ENTREP2: variants seen among roughly 807,000 people sequenced by gnomAD.
ENTREP2 encodes endosomal transmembrane epsin interactor 2, also known as protein ENTREP2.
At chr15:29,654,352 A>C in the ENTREP2 span, among the ~76,000 whole-genome samples, 5 of 152,238 alleles carry the variant, frequency 3.3e-5, no homozygotes, top group Non-Finnish European at 7.3e-5. Flanking sequence ...TACTACATTG[A>C]GGAAGGCAAA....
At chr15:29,193,940 A>T in the ENTREP2 span, among the ~76,000 whole-genome samples, 1 of 152,210 alleles carries the variant, frequency 6.6e-6, no homozygotes, top group African/African-American at 2.4e-5. Flanking sequence ...AGATCTATAT[A>T]CTGAAATTTA....
chr15:29,444,187 AAAGAAAGAAAGAAAGAAAGAAAG>A, the ENTREP2 span, among the ~76,000 whole-genome samples: 1 of 92,460 alleles, frequency 1.1e-5, no homozygotes, highest in African/African-American at 4.3e-5. Context: ...AGAAAGAAAG[AAAGAAAGAAAGAAAGAAAGAAAG>A]AAAGAAAGAA....
the ENTREP2 span, among the ~76,000 whole-genome samples, chr15:29,367,837 G>A: frequency 8.6e-5 from 13 of 151,986 alleles, no homozygotes; most frequent in Admixed American, 8.5e-4. Flanking sequence ...ACAAAGAATA[G>A]GCTTTACAGA....
At chr15:29,238,672 A>G in the ENTREP2 span, among the ~76,000 whole-genome samples, 1 of 152,010 alleles carries the variant, frequency 6.6e-6, no homozygotes, top group South Asian at 2.1e-4. Context: ...TCACAGTTCC[A>G]CAGGCTATAC....
the ENTREP2 span, among the ~76,000 whole-genome samples, chr15:29,576,945 C>A: frequency 3.9e-5 from 6 of 151,978 alleles, no homozygotes; most frequent in Admixed American, 6.5e-5. Context: ...GTAGCTGGGA[C>A]TACAGGCGCC....
the ENTREP2 span, among the ~76,000 whole-genome samples, chr15:29,592,469 G>C: frequency 2.6e-5 from 4 of 152,202 alleles, no homozygotes; most frequent in Admixed American, 2.6e-4. Flanking sequence ...GGTGGATGAT[G>C]AGAGAGTGAG....
At chr15:29,487,947 C>T in the ENTREP2 span, among the ~76,000 whole-genome samples, 1 of 152,248 alleles carries the variant, frequency 6.6e-6, no homozygotes, top group African/African-American at 2.4e-5. Context: ...CCCACCTTAA[C>T]CTCCTAAACT....
chr15:29,173,147 T>C, the ENTREP2 span, among the ~76,000 whole-genome samples: 1 of 152,150 alleles, frequency 6.6e-6, no homozygotes, highest in African/African-American at 2.4e-5. Context: ...AGGGGCTCAC[T>C]GAACCAGCCT....
At chr15:29,242,664 C>A in the ENTREP2 span, among the ~76,000 whole-genome samples, 7 of 152,196 alleles carry the variant, frequency 4.6e-5, no homozygotes, top group African/African-American at 1.7e-4. Flanking sequence ...TGGTGCCAGG[C>A]CCTGGATGTG....
At chr15:29,562,426 A>C in the ENTREP2 span, among the ~76,000 whole-genome samples, 1 of 152,222 alleles carries the variant, frequency 6.6e-6, no homozygotes, top group Non-Finnish European at 1.5e-5. Context: ...CTTTCTCCCA[A>C]AACACTGAGA....
the ENTREP2 span, among the ~76,000 whole-genome samples, chr15:29,487,405 G>A: frequency 6.6e-6 from 1 of 152,172 alleles, no homozygotes; most frequent in Non-Finnish European, 1.5e-5. Flanking sequence ...CCACCACAGA[G>A]CCACTCCATA....
At chr15:29,656,516 T>C in the ENTREP2 span, among the ~76,000 whole-genome samples, 1 of 152,226 alleles carries the variant, frequency 6.6e-6, no homozygotes, top group African/African-American at 2.4e-5. Flanking sequence ...CGTGGGCCAC[T>C]GTGCCTGGCC....
At chr15:29,252,955 C>T in the ENTREP2 span, among the ~76,000 whole-genome samples, 12 of 152,182 alleles carry the variant, frequency 7.9e-5, no homozygotes, top group African/African-American at 2.7e-4. Context: ...AATCCACTTA[C>T]GGCCAACTGT....
the ENTREP2 span, among the ~76,000 whole-genome samples, chr15:29,655,236 TGA>T: frequency 6.6e-6 from 1 of 152,200 alleles, no homozygotes; most frequent in Non-Finnish European, 1.5e-5. Context: ...GGACTACAGC[TGA>T]GAGTGTAACA....
chr15:29,282,975 G>A, the ENTREP2 span, among the ~76,000 whole-genome samples: 1 of 152,160 alleles, frequency 6.6e-6, no homozygotes, highest in African/African-American at 2.4e-5. Flanking sequence ...TTGACCCACT[G>A]TTGCTCCCCA....
the ENTREP2 span, among the ~76,000 whole-genome samples, chr15:29,646,484 T>C: frequency 1.1e-3 from 160 of 152,310 alleles, no homozygotes; most frequent in African/African-American, 3.7e-3. Flanking sequence ...CTCTGTGTCT[T>C]CAAACCAGTG....
At chr15:29,621,045 A>G in the ENTREP2 span, among the ~76,000 whole-genome samples, 1 of 152,020 alleles carries the variant, frequency 6.6e-6, no homozygotes, top group Non-Finnish European at 1.5e-5. Context: ...CTTAGGCACC[A>G]CCATTACTGC....
chr15:29,621,886 A>C, the ENTREP2 span, among the ~76,000 whole-genome samples: 44 of 152,366 alleles, frequency 2.9e-4, no homozygotes, highest in Non-Finnish European at 5.4e-4. Context: ...AGACAAGTAC[A>C]TAAACAAAAT....
At chr15:29,596,132 T>C in the ENTREP2 span, among the ~76,000 whole-genome samples, 1 of 152,148 alleles carries the variant, frequency 6.6e-6, no homozygotes, top group Admixed American at 6.5e-5. Flanking sequence ...AAGAGCAAAA[T>C]ATATTAGGTT....
Sources: gnomAD v4.1 joint callset for allele counts (sites outside exome capture counted in the v4.1 genomes callset) on GRCh38, gnomAD v4.1.1 for gene constraint, MANE v1.5 for transcripts, NCBI Gene and HGNC (gene_info 2026-07-23, HGNC 2026-07-21) for gene names.